The following PHACTR1 variants were observed in gnomAD, a reference collection of about 807,000 sequenced individuals.
The protein encoded by PHACTR1 is RPEL repeat containing 1.
In PHACTR1, 16 loss-of-function variants were observed where a neutral mutation model predicts 69.2. That is an observed-to-expected ratio of 0.23 (90% confidence interval 0.16 to 0.35). PHACTR1 has a LOEUF of 0.35. Among genes scored for constraint, PHACTR1 ranks in the 10% least tolerant of loss-of-function variants. The pLI is 1.00. For synonymous variants in PHACTR1, 312 were observed against 284.5 expected, an observed-to-expected ratio of 1.10 and a Z score of -0.97; for missense variants, 510 against 734.7, an observed-to-expected ratio of 0.69 and a Z score of 3.54.
chr6:12,782,018 C>G (rs538048516), intron 4 of PHACTR1, among the ~76,000 whole-genome samples: 1 of 152,156 alleles, frequency 6.6e-6, no homozygotes, highest in African/African-American at 2.4e-5. Flanking sequence ...TGTGCTGTCT[C>G]CTGCCTGGGC....
chr6:13,110,993 C>T (rs1300312031), intron 5 of PHACTR1, among the ~76,000 whole-genome samples: 1 of 152,028 alleles, frequency 6.6e-6, no homozygotes, highest in Non-Finnish European at 1.5e-5. Flanking sequence ...CAGGAATTCT[C>T]ATGTTAATGA....
intron 5 of PHACTR1, among the ~76,000 whole-genome samples, chr6:13,110,793 T>G (rs1282159049): frequency 6.6e-6 from 1 of 152,146 alleles, no homozygotes; most frequent in African/African-American, 2.4e-5. Flanking sequence ...AAATAGTTGG[T>G]TTTTAAGTTT....
intron 3 of PHACTR1, among the ~76,000 whole-genome samples, chr6:12,746,734 G>A (rs1765828851): frequency 6.6e-6 from 1 of 152,170 alleles, no homozygotes; most frequent in African/African-American, 2.4e-5. Context: ...AATGTTAAAT[G>A]AATAAGAAAC....
intron 4 of PHACTR1, among the ~76,000 whole-genome samples, chr6:12,774,616 ACTCCTGAC>A (rs970824523): frequency 2.0e-5 from 3 of 151,498 alleles, no homozygotes; most frequent in South Asian, 2.1e-4. Flanking sequence ...CTGGTCTCAA[ACTCCTGAC>A]CTCCTGACCT....
intron 4 of PHACTR1, among the ~76,000 whole-genome samples, chr6:12,947,775 T>C (rs1176955574): frequency 6.6e-6 from 1 of 152,182 alleles, no homozygotes; most frequent in Non-Finnish European, 1.5e-5. Context: ...AAATACGTAG[T>C]AAGTGACAGA....
In PHACTR1 at chr6:13,124,530, C is replaced by T. The variant is rs115081618; in HGVS notation, c.416-35674C>T. On this transcript the variant is annotated intron_variant, in intron 5 of 14. Transcript: ENST00000332995. The stretch of plus-strand genomic sequence containing the variant: ...CCTGTGGACATTTTGGCCACTAAGA[C>T]AGTTCAAAATTGCCTTTATCCTTAG... Among the ~76,000 whole-genome samples the T allele has an allele frequency of 3.6e-3, 548 of 152,260 alleles. 2 individuals carry two copies. Among genetic ancestry groups the T allele is most frequent in the African/African-American group, 0.012 (502 of 41,548 alleles).
chr6:13,129,542 C>A (rs964033103), intron 5 of PHACTR1, among the ~76,000 whole-genome samples: 2 of 151,642 alleles, frequency 1.3e-5, no homozygotes, highest in African/African-American at 2.4e-5. Context: ...TTTAAAGCAA[C>A]AACAGTTAAA....
chr6:12,973,292 T>C (rs1215599583), intron 4 of PHACTR1, among the ~76,000 whole-genome samples: 1 of 151,860 alleles, frequency 6.6e-6, no homozygotes, highest in Non-Finnish European at 1.5e-5. Context: ...GATTAAATAA[T>C]ATTATTATTT....
At chr6:12,728,986 C>T (rs563478658) in intron 3 of PHACTR1, among the ~76,000 whole-genome samples, 33 of 152,200 alleles carry the variant, frequency 2.2e-4, no homozygotes, top group African/African-American at 6.0e-4. Context: ...ATATAAAGCA[C>T]GAAGCAAGAC....
chr6:13,159,854 C>T (rs913324337), intron 5 of PHACTR1, among the ~76,000 whole-genome samples: 5 of 152,034 alleles, frequency 3.3e-5, no homozygotes, highest in African/African-American at 4.8e-5. Context: ...GCAGGAGAAT[C>T]GCTTGAACCT....
intron 3 of PHACTR1, among the ~76,000 whole-genome samples, chr6:12,747,198 T>G (rs1167932663): frequency 3.3e-5 from 5 of 152,176 alleles, no homozygotes; most frequent in Non-Finnish European, 7.3e-5. Context: ...ATATATATAC[T>G]TAGCAAATCC....
intron 10 of PHACTR1, among the ~76,000 whole-genome samples, chr6:13,247,600 C>T (rs1773763263): frequency 6.6e-6 from 1 of 152,146 alleles, no homozygotes; most frequent in Admixed American, 6.5e-5. Flanking sequence ...CCCGCCTTGG[C>T]CTCCCAAAGT....
At chr6:12,855,612 G>C (rs1275884163) in intron 4 of PHACTR1, among the ~76,000 whole-genome samples, 4 of 152,150 alleles carry the variant, frequency 2.6e-5, no homozygotes, top group African/African-American at 7.2e-5. Context: ...GGGTCATAAA[G>C]ATGGGAAAAA....
intron 4 of PHACTR1, among the ~76,000 whole-genome samples, chr6:12,925,875 G>C (rs984072527): frequency 6.6e-6 from 1 of 152,138 alleles, no homozygotes; most frequent in African/African-American, 2.4e-5. Context: ...TCAGGGGCCT[G>C]TCTCTCGTGT....
At chr6:13,276,951 G>A (rs1489732792) in intron 11 of PHACTR1, among the ~76,000 whole-genome samples, 4 of 152,158 alleles carry the variant, frequency 2.6e-5, no homozygotes, top group African/African-American at 9.7e-5. Flanking sequence ...CCAGGCAGTC[G>A]TGATGCACCC....
intron 4 of PHACTR1, among the ~76,000 whole-genome samples, chr6:13,029,536 A>G (rs1012113325): frequency 6.6e-6 from 1 of 152,202 alleles, no homozygotes; most frequent in Admixed American, 6.5e-5. Context: ...AGCAGGCAAA[A>G]TACAAAGAGA....
chr6:13,056,457 T>C (rs1281146073), intron 5 of PHACTR1, among the ~76,000 whole-genome samples: 2 of 152,190 alleles, frequency 1.3e-5, no homozygotes, highest in African/African-American at 4.8e-5. Context: ...TAAGTAAATA[T>C]ACATGAGAAT....
chr6:13,185,042 C>A, intron 7 of PHACTR1: 1 of 1,313,376 alleles, frequency 7.6e-7, no homozygotes. Flanking sequence ...GCAGTCCCTC[C>A]TTCCCTTCAA....
intron 3 of PHACTR1, among the ~76,000 whole-genome samples, chr6:12,742,294 C>G (rs887654139): frequency 2.0e-5 from 3 of 152,146 alleles, no homozygotes; most frequent in East Asian, 1.9e-4. Context: ...GTTCCTCCCC[C>G]TTTTTAGACC....
Sources: gnomAD v4.1 joint callset for allele counts (sites outside exome capture counted in the v4.1 genomes callset) on GRCh38, gnomAD v4.1.1 for gene constraint, MANE v1.5 for transcripts, NCBI Gene and HGNC (gene_info 2026-07-23, HGNC 2026-07-21) for gene names.